H2AZ2: variants seen among roughly 807,000 people sequenced by gnomAD.
H2AZ2 encodes the protein H2A.Z variant histone 2, also known as histone H2A.V.
A neutral mutation model predicts 15.5 loss-of-function variants in H2AZ2; 5 were observed. That is an observed-to-expected ratio of 0.32 (90% confidence interval 0.17 to 0.68). H2AZ2 has a LOEUF of 0.68. Ranked by LOEUF, H2AZ2 falls within the 30% of genes least tolerant of loss-of-function variation. The pLI, the probability that H2AZ2 is intolerant of heterozygous loss-of-function variation, is 0.72. For missense variants in H2AZ2, 42 were observed against 162.5 expected, an observed-to-expected ratio of 0.26 and a Z score of 4.03; for synonymous variants, 44 against 57.4, an observed-to-expected ratio of 0.77 and a Z score of 1.05.
chr7:44,847,484 G>A (rs1793440413), intron 1 of H2AZ2, among the ~76,000 whole-genome samples: 1 of 152,120 alleles, frequency 6.6e-6, no homozygotes, highest in South Asian at 2.1e-4. Context: ...ACCATTCTTT[G>A]TCGCTCAAAA....
chr7:44,831,602 T>C (rs1365942392), downstream of H2AZ2, among the ~76,000 whole-genome samples: 1 of 146,164 alleles, frequency 6.8e-6, no homozygotes, highest in Non-Finnish European at 1.5e-5. Context: ...TGACTCTCAA[T>C]ACAGAAACTT....
intron 3 of H2AZ2, among the ~76,000 whole-genome samples, chr7:44,837,405 A>G (rs1166509881): frequency 7.2e-6 from 1 of 139,548 alleles, no homozygotes; most frequent in Admixed American, 7.3e-5. Flanking sequence ...CCTGGGCGAC[A>G]GAGCAAGACT....
intron 4 of H2AZ2, chr7:44,834,783 G>C: frequency 3.7e-6 from 1 of 267,362 alleles, no homozygotes; most frequent in Non-Finnish European, 6.9e-6. Flanking sequence ...AGTAACCATA[G>C]CTTTTTTTTT....
Position 44,833,234 on chromosome 7 carries a change from C to CT in H2AZ2, c.*1266dup, listed in dbSNP as rs1287959185. On this transcript the variant is annotated 3_prime_UTR_variant, in exon 5 of 5. Coordinates refer to ENST00000308153, the MANE Select transcript of H2AZ2 (RefSeq NM_012412.5). ...CTAATTTCTGTATTTTTAGTAGAGA[C>CT]TTTTTTTTGTTTGTTTTGAGAGGGA... Among the ~76,000 whole-genome samples the CT allele has an allele frequency of 2.0e-5, 3 of 151,324 alleles. No individual in the cohort carries two copies. The highest frequency in any genetic ancestry group is 4.9e-5 in the African/African-American group (2 of 41,196).
chr7:44,830,250 A>G (rs947673749), downstream of H2AZ2: 70 of 1,268,400 alleles, frequency 5.5e-5, no homozygotes, highest in Middle Eastern at 3.4e-3. Flanking sequence ...ATAACTGGAT[A>G]AAATACAAGT....
intron 3 of H2AZ2, among the ~76,000 whole-genome samples, chr7:44,837,499 G>GTT (rs1228742559): frequency 4.1e-5 from 5 of 122,914 alleles, no homozygotes; most frequent in Non-Finnish European, 3.4e-5. Context: ...AACCTAAATT[G>GTT]TTTTTTTTTT....
Position 44,835,659 on chromosome 7 carries a change from C to G in H2AZ2, c.196-1G>C. 6.3e-7 allele frequency: 1 copy of G among 1,591,788 alleles called. No individual in the cohort carries two copies. Among genetic ancestry groups the G allele is most frequent in the Non-Finnish European group, 8.6e-7 (1 of 1,166,186 alleles). On this transcript the variant is annotated splice_acceptor_variant, in intron 3 of 4. Transcript: ENST00000308153. LOFTEE classifies it high-confidence loss of function. ...AAGCATTACCTGCCAGCTCCAGCACCTACAAAGCATCCATGATTAGCATAT... is the reference window on the plus strand; with the variant it reads ...AAGCATTACCTGCCAGCTCCAGCACGTACAAAGCATCCATGATTAGCATAT...
At chr7:44,843,401 T>A in intron 1 of H2AZ2, 47 bp from the exon 2 acceptor site, 1 of 1,272,974 alleles carries the variant, frequency 7.9e-7, no homozygotes, top group Non-Finnish European at 1.1e-6. Flanking sequence ...TTGAAAATAC[T>A]ACTTCAAAAA....
In H2AZ2 at chr7:44,840,695, C is replaced by T. The variant is rs535885984; in HGVS notation, c.195+204G>A. Among the ~76,000 whole-genome samples, 8 of 152,236 alleles carry T rather than the reference C, an allele frequency of 5.3e-5. No individual in the cohort carries two copies. In the East Asian group the frequency reaches 5.8e-4, roughly 11 times the overall value. ...CTGAGGTGGGAGAATCGCTTGAATC[C>T]GGGAGGCAGAGGTTGCAGTGAGCCG... On this transcript the variant is annotated intron_variant, in intron 3 of 4. Transcript: ENST00000308153.
At chr7:44,837,574 C>G (rs1793159456) in intron 3 of H2AZ2, among the ~76,000 whole-genome samples, 1 of 151,184 alleles carries the variant, frequency 6.6e-6, no homozygotes, top group Admixed American at 6.6e-5. Context: ...TCACTGCAGC[C>G]TCAACCTCCT....
rs985360590 is a variant in H2AZ2, at chr7:44,832,182, G to A, written c.*2319C>T. On this transcript the variant is annotated 3_prime_UTR_variant, in exon 5 of 5. Coordinates refer to ENST00000308153, the MANE Select transcript of H2AZ2 (RefSeq NM_012412.5). ...CTAGATCTTGCCTGGATCTTGACTC[G>A]AATAAACCAACTGTTAAAAAAAACT... Among the ~76,000 whole-genome samples the A allele has an allele frequency of 2.0e-5, 3 of 151,854 alleles. No homozygotes were observed. The highest frequency in any genetic ancestry group is 7.3e-5 in the African/African-American group (3 of 41,296).
chr7:44,844,653 C>T (rs1054748356), intron 1 of H2AZ2, among the ~76,000 whole-genome samples: 5 of 152,158 alleles, frequency 3.3e-5, no homozygotes, highest in East Asian at 3.9e-4. Context: ...TGCGCCTGGC[C>T]GAGTTATTGT....
chr7:44,845,906 T>C (rs1013093212), intron 1 of H2AZ2, among the ~76,000 whole-genome samples: 4 of 152,060 alleles, frequency 2.6e-5, no homozygotes, highest in African/African-American at 9.7e-5. Context: ...ATATATAGCC[T>C]CCCTACTTTG....
At chr7:44,844,430 A>C (rs1019398924) in intron 1 of H2AZ2, among the ~76,000 whole-genome samples, 1 of 152,112 alleles carries the variant, frequency 6.6e-6, no homozygotes, top group African/African-American at 2.4e-5. Flanking sequence ...TGTGGTTGCC[A>C]GGGGTAGCTG....
chr7:44,834,050 A>C lies in H2AZ2; in HGVS notation c.*451T>G, dbSNP rs1204461503. ...TTTTTTCCTTAGTCGTTTGTAAAAA[A>C]TGGTGCTACAGATCAATAGCATCTA... On this transcript the variant is annotated 3_prime_UTR_variant, in exon 5 of 5. Coordinates refer to ENST00000308153, the MANE Select transcript of H2AZ2 (RefSeq NM_012412.5). The C allele has an allele frequency of 3.5e-6, 2 of 577,406 alleles. No individual in the cohort carries two copies. The highest frequency in any genetic ancestry group is 4.4e-6 in the Non-Finnish European group (2 of 457,752). 35.8% of individuals were successfully genotyped at this position (577,406 alleles called of 1,614,324 possible).
At chr7:44,842,957 G>A (rs567731448) in intron 2 of H2AZ2, among the ~76,000 whole-genome samples, 1 of 151,826 alleles carries the variant, frequency 6.6e-6, no homozygotes, top group East Asian at 1.9e-4. Context: ...TGGCCAACAT[G>A]GTGAAATCCC....
At chr7:44,837,823 T>TA (rs1273497941) in intron 3 of H2AZ2, among the ~76,000 whole-genome samples, 162 of 45,056 alleles carry the variant, frequency 3.6e-3, no homozygotes, top group African/African-American at 8.3e-3. Flanking sequence ...CCCAAAGATT[T>TA]AAAAAAAAGG....
downstream of H2AZ2, chr7:44,827,976 G>A (rs1202676925): frequency 6.6e-6 from 1 of 152,008 alleles, no homozygotes; most frequent in Admixed American, 6.6e-5. Context: ...TTGAATCTAG[G>A]GTGCTTACAG....
At chr7:44,838,430 C>T (rs1041009710) in intron 3 of H2AZ2, among the ~76,000 whole-genome samples, 6 of 152,004 alleles carry the variant, frequency 3.9e-5, no homozygotes, top group Non-Finnish European at 7.4e-5. Flanking sequence ...GCGGACAGAT[C>T]ATTTGAGGTC....
Sources: allele counts gnomAD v4.1 joint callset (sites outside exome capture counted in the v4.1 genomes callset), GRCh38; gene constraint gnomAD v4.1.1; transcripts MANE v1.5; gene names NCBI Gene and HGNC (gene_info 2026-07-23, HGNC 2026-07-21).